GCA: variants seen among roughly 807,000 people sequenced by gnomAD.
The protein encoded by GCA is grancalcin, also known as grancalcin, EF-hand calcium-binding protein.
A neutral mutation model predicts 32.6 loss-of-function variants in GCA; 30 were observed. The observed-to-expected ratio is 0.92, with a 90% confidence interval of 0.69 to 1.25. GCA has a LOEUF of 1.25. Among genes scored for constraint, GCA ranks in the 50% most tolerant of loss-of-function variants. The pLI, the probability that GCA is intolerant of heterozygous loss-of-function variation, is 0.00. For missense variants in GCA, 291 were observed against 266.8 expected (o/e 1.09, Z -0.63); for synonymous variants, 102 against 84.6 (o/e 1.21, Z -1.13).
Position 162,361,350 on chromosome 2 carries a change from G to T in GCA, c.*1107G>T, listed in dbSNP as rs1038304629. 2.0e-6 allele frequency: 2 copies of T among 979,810 alleles called. No individual in the cohort carries two copies. The highest frequency in any genetic ancestry group is 1.2e-6 in the Non-Finnish European group (1 of 825,058). 60.7% of individuals were successfully genotyped at this position (979,810 alleles called of 1,614,324 possible). A position where few individuals can be genotyped will look rare whatever the true frequency, so the allele number is the denominator to read the frequency against. ...CCTGGTATAAGATGTTATAATTAATGTAATTTCTTTCTTGGCAAACACCTC... is the reference window on the plus strand; with the variant it reads ...CCTGGTATAAGATGTTATAATTAATTTAATTTCTTTCTTGGCAAACACCTC... On this transcript the variant is annotated 3_prime_UTR_variant, in exon 8 of 8. Transcript: ENST00000437150.
rs1684582914 is a variant in GCA, at chr2:162,344,522, T to A, written c.27+247T>A. The A allele has an allele frequency of 9.4e-6, 5 of 532,364 alleles. No homozygotes were observed. The South Asian group carries it at 1.1e-4, about 11-fold the overall frequency. 33.0% of individuals were successfully genotyped at this position (532,364 alleles called of 1,614,324 possible). ...GAGCGTCCTGGTGGAGCCGAGGGAG[T>A]AATGTGTGTTTGGAAATTTATTTCC... On this transcript the variant is annotated intron_variant, in intron 1 of 7. Coordinates refer to ENST00000437150, the MANE Select transcript of GCA (RefSeq NM_012198.5).
At chr2:162,356,656 G>A (rs1347305564) in intron 4 of GCA, 102 bp from the exon 5 acceptor site, 7 of 907,410 alleles carry the variant, frequency 7.7e-6, no homozygotes, top group African/African-American at 1.7e-5. Flanking sequence ...TTCATATAAT[G>A]AGTTTGGCTA....
At position 162,356,962 on chromosome 2, in the gene GCA, A is replaced by T; in HGVS notation, c.454+57A>T. 4 of 1,199,084 alleles carry T rather than the reference A, an allele frequency of 3.3e-6. No individual in the cohort carries two copies. The South Asian group carries it at 4.9e-5, about 15-fold the overall frequency. The allele number at this position is 1,199,084 out of a possible 1,614,324, so 74.3% of individuals were successfully genotyped here. On this transcript the variant is annotated intron_variant, in intron 5 of 7. Transcript: ENST00000437150. ...AAGCTAATCTTTGTTCTTTGATTAG[A>T]TGAACTTAATTGCTTCAATTTACTA...
At chr2:162,359,388 A>G (rs1339953671) in intron 6 of GCA, 106 bp from the exon 7 acceptor site, 2 of 607,260 alleles carry the variant, frequency 3.3e-6, no homozygotes, top group East Asian at 2.9e-5. Flanking sequence ...CAATCACTTA[A>G]TATTTAATTG....
chr2:162,352,562 A>T (rs1255885922), intron 3 of GCA, among the ~76,000 whole-genome samples, 155 bp downstream of exon 3: 2 of 152,196 alleles, frequency 1.3e-5, no homozygotes, highest in East Asian at 3.8e-4. Flanking sequence ...TATGAAAATA[A>T]CTGTTCATTG....
At chr2:162,349,468 A>G (rs1439501099) in intron 2 of GCA, among the ~76,000 whole-genome samples, 1 of 152,144 alleles carries the variant, frequency 6.6e-6, no homozygotes, top group Non-Finnish European at 1.5e-5. Context: ...ATGAACTAAG[A>G]TAGTTGCATG....
At chr2:162,367,348 T>A (rs1178437373), downstream of GCA, among the ~76,000 whole-genome samples, 1 of 151,928 alleles carries the variant, frequency 6.6e-6, no homozygotes, top group Non-Finnish European at 1.5e-5. Context: ...TCTGTAAAAA[T>A]GGAAAATTAT....
intron 4 of GCA, among the ~76,000 whole-genome samples, chr2:162,369,524 A>T (rs1685856172): frequency 6.6e-6 from 1 of 152,112 alleles, no homozygotes; most frequent in African/African-American, 2.4e-5. Context: ...CTATTTCTTC[A>T]TGCTCAGGTT....
chr2:162,339,747 G>A (rs1367696218), upstream of GCA, among the ~76,000 whole-genome samples: 1 of 152,178 alleles, frequency 6.6e-6, no homozygotes, highest in Non-Finnish European at 1.5e-5. Context: ...GCAGCCATCT[G>A]TAACCAAGGA....
At chr2:162,322,388 T>C (rs1295066466) in intron 1 of GCA, among the ~76,000 whole-genome samples, 5 of 143,088 alleles carry the variant, frequency 3.5e-5, no homozygotes, top group African/African-American at 1.4e-4. Flanking sequence ...TATTTTACTT[T>C]ATTTATTTAT....
intron 1 of GCA, among the ~76,000 whole-genome samples, chr2:162,327,985 C>T (rs1683945292): frequency 6.6e-6 from 1 of 152,174 alleles, no homozygotes; most frequent in Non-Finnish European, 1.5e-5. Flanking sequence ...GCTCTTGGCG[C>T]CTCGTCTGCC....
intron 2 of GCA, 143 bp downstream of exon 2, chr2:162,347,885 A>G (rs1684790164): frequency 4.6e-6 from 2 of 436,780 alleles, no homozygotes; most frequent in Non-Finnish European, 8.0e-6. Context: ...GAGATCAGAG[A>G]TGAGCATAGT....
chr2:162,327,412 A>C (rs1683924442), intron 1 of GCA, among the ~76,000 whole-genome samples: 1 of 152,132 alleles, frequency 6.6e-6, no homozygotes, highest in Admixed American at 6.5e-5. Context: ...AAGGGGCAAA[A>C]AAGGGGGGAT....
At chr2:162,353,256 T>C (rs1461167780) in intron 3 of GCA, among the ~76,000 whole-genome samples, 1 of 152,032 alleles carries the variant, frequency 6.6e-6, no homozygotes, top group African/African-American at 2.4e-5. Context: ...AATCATGAGG[T>C]TAAGAGATCG....
chr2:162,356,342 G>GT, intron 3 of GCA, 96 bp from the exon 4 acceptor site: 1 of 751,174 alleles, frequency 1.3e-6, no homozygotes, highest in Non-Finnish European at 2.4e-6. Context: ...TATTTTGGCA[G>GT]TTTTTTAATG....
chr2:162,374,612 G>T (rs936660765), downstream of GCA, among the ~76,000 whole-genome samples: 1 of 152,016 alleles, frequency 6.6e-6, no homozygotes, highest in Non-Finnish European at 1.5e-5. Context: ...GATTAATTTT[G>T]CCCAATTAAA....
chr2:162,352,415 C>G lies in GCA; in HGVS notation c.262+8C>G. The G allele has an allele frequency of 6.8e-7, 1 of 1,460,794 alleles. No homozygotes were observed. Among genetic ancestry groups the G allele is most frequent in the South Asian group, 1.2e-5 (1 of 85,422 alleles). The allele number at this position is 1,460,794 out of a possible 1,614,324, so 90.5% of individuals were successfully genotyped here. ...TTAATGGAACTTACTCTCGTGAGAT[C>G]TTTTTTCCCCTTTTGTTGAAATTAT... On this transcript the variant is annotated splice_region_variant and intron_variant, in intron 3 of 7. Transcript: ENST00000437150.
chr2:162,369,196 G>A (rs2105374006), intron 4 of GCA, among the ~76,000 whole-genome samples: 1 of 152,128 alleles, frequency 6.6e-6, no homozygotes, highest in Middle Eastern at 3.4e-3. Context: ...GCCAACAGGG[G>A]GGATGATGGT....
intron 3 of GCA, among the ~76,000 whole-genome samples, 165 bp downstream of exon 3, chr2:162,352,572 G>A (rs527677000): frequency 1.3e-5 from 2 of 152,116 alleles, no homozygotes; most frequent in Admixed American, 1.3e-4. Flanking sequence ...ACTGTTCATT[G>A]TGTATTCCTG....
Sources: gnomAD v4.1 joint callset for allele counts (sites outside exome capture counted in the v4.1 genomes callset) on GRCh38, gnomAD v4.1.1 for gene constraint, MANE v1.5 for transcripts, NCBI Gene and HGNC (gene_info 2026-07-23, HGNC 2026-07-21) for gene names.